Variants in ATP6V1A observed in about 807,000 individuals in gnomAD.
The protein encoded by ATP6V1A is ATPase H+ transporting V1 subunit A.
ATP6V1A carries 18 observed loss-of-function variants against 70.1 expected under a neutral mutation model. That is an observed-to-expected ratio of 0.26 (90% CI 0.18 to 0.38). ATP6V1A has a LOEUF of 0.38. Among genes scored for constraint, ATP6V1A ranks in the 10% least tolerant of loss-of-function variants. The pLI is 1.00. For synonymous variants in ATP6V1A, 232 were observed against 253.8 expected (o/e 0.91, Z 0.82); for missense variants, 424 against 772.4 (o/e 0.55, Z 5.35).
At chr3:113,798,816 G>T (rs986775111) in intron 12 of ATP6V1A, among the ~76,000 whole-genome samples, 4 of 152,148 alleles carry the variant, frequency 2.6e-5, no homozygotes, top group Non-Finnish European at 5.9e-5. Flanking sequence ...TTACATTCTT[G>T]TGCCTGTATC....
In ATP6V1A at chr3:113,798,175, T is replaced by C; in HGVS notation, c.1291-68T>C. On this transcript the variant is annotated intron_variant, in intron 11 of 14. Transcript: ENST00000273398. ...AATTGCATAGTTGGGACAAACATGC[T>C]TCGGTATTTTTTAACTTTGTTTTTT... is the stretch of plus-strand genomic sequence containing the variant. The C allele has an allele frequency of 4.6e-6, 7 of 1,537,590 alleles. No homozygotes were observed. The South Asian group carries it at 6.8e-5, about 15-fold the overall frequency.
chr3:113,794,902 T>C lies in ATP6V1A; in HGVS notation c.1019T>C (p.Met340Thr). 6.2e-7 allele frequency: 1 copy of C among 1,613,542 alleles called. No individual in the cohort carries two copies. The highest frequency in any genetic ancestry group is 8.5e-7 in the Non-Finnish European group (1 of 1,179,802). Residue 340 changes from methionine (M) to threonine (T), a missense_variant, in exon 9 of 15, where the codon ATG (methionine) becomes ACG (threonine). By Grantham distance (81) the Met-to-Thr change is moderately conservative. Around this residue, in one of 9 missense-constraint regions of ATP6V1A, gnomAD observed 58 missense variants for 181.5 expected, o/e 0.32. Transcript: ENST00000273398. Reference protein sequence around the residue: ...GITLSEYFRDMGYHVSMMADS... With the variant: ...GITLSEYFRDTGYHVSMMADS... ...ACACTGTCAGAGTACTTCCGTGACATGGGCTATCATGTCAGTATGATGGCT... is the reference window on the plus strand; with the variant it reads ...ACACTGTCAGAGTACTTCCGTGACACGGGCTATCATGTCAGTATGATGGCT...
chr3:113,749,567 A>G (rs1216287767), intron 1 of ATP6V1A, among the ~76,000 whole-genome samples: 1 of 152,134 alleles, frequency 6.6e-6, no homozygotes, highest in Non-Finnish European at 1.5e-5. Flanking sequence ...CCTATAGACT[A>G]CTACTAATCA....
At chr3:113,795,568 G>A (rs1053393284) in intron 10 of ATP6V1A, among the ~76,000 whole-genome samples, 2 of 151,702 alleles carry the variant, frequency 1.3e-5, no homozygotes, top group African/African-American at 2.4e-5. Flanking sequence ...TTCTTAGAGC[G>A]TTTCCTCCTT....
At chr3:113,779,067 T>G (rs9848993) in intron 2 of ATP6V1A, 109,189 of 315,582 alleles carry the variant, frequency 0.35, 19,282 homozygotes, top group East Asian at 0.4. Flanking sequence ...TGATATCCTG[T>G]TTATAATTAT....
Position 113,789,638 on chromosome 3 carries a change from T to A in ATP6V1A, c.880-94T>A, listed in dbSNP as rs569300202. On this transcript the variant is annotated intron_variant, in intron 7 of 14. Transcript: ENST00000273398. ...AACACTGATTGTAAGAGGCATTAAA[T>A]ATGGGCAAAAGTTTAAAAAAAAAAA... is the stretch of plus-strand genomic sequence containing the variant. The A allele has an allele frequency of 2.6e-5, 23 of 876,544 alleles. No homozygotes were observed. In the South Asian group the frequency reaches 3.6e-4, roughly 14 times the overall value. 54.3% of individuals were successfully genotyped at this position (876,544 alleles called of 1,614,324 possible). A position where few individuals can be genotyped will look rare whatever the true frequency, so the allele number is the denominator to read the frequency against.
intron 8 of ATP6V1A, among the ~76,000 whole-genome samples, chr3:113,793,519 A>G (rs773183081): frequency 6.6e-6 from 1 of 152,184 alleles, no homozygotes; most frequent in Non-Finnish European, 1.5e-5. Flanking sequence ...ACTCATATGT[A>G]TCTGTCTTTT....
chr3:113,753,904 C>A (rs1708618375), intron 1 of ATP6V1A, among the ~76,000 whole-genome samples: 1 of 151,418 alleles, frequency 6.6e-6, no homozygotes, highest in Admixed American at 6.6e-5. Flanking sequence ...ACCTTATTGC[C>A]CAGGCCATCA....
intron 1 of ATP6V1A, among the ~76,000 whole-genome samples, chr3:113,762,786 G>GTT (rs1708720595): frequency 6.6e-6 from 1 of 152,076 alleles, no homozygotes; most frequent in Admixed American, 6.6e-5. Context: ...GGGGAATACT[G>GTT]TAGGATTTCA....
intron 3 of ATP6V1A, among the ~76,000 whole-genome samples, chr3:113,782,583 T>G (rs1262638463): frequency 6.8e-6 from 1 of 146,168 alleles, no homozygotes; most frequent in East Asian, 2.0e-4. Context: ...CGTATATATA[T>G]ACACATATAT....
At chr3:113,749,306 C>T (rs1708559363) in intron 1 of ATP6V1A, among the ~76,000 whole-genome samples, 1 of 146,136 alleles carries the variant, frequency 6.8e-6, no homozygotes, top group Non-Finnish European at 1.5e-5. Context: ...CACACACACA[C>T]GATTGGAAGC....
chr3:113,781,150 G>A lies in ATP6V1A; in HGVS notation c.183G>A (p.Met61Ile), dbSNP rs1218012061. The change falls in exon 3 of 15, where the codon ATG becomes ATA. Residue 61 changes from methionine (M) to isoleucine (I), a missense_variant. This residue lies in a region of ATP6V1A where 31 missense variants were observed against 78.6 expected (regional missense o/e 0.39). Coordinates refer to ENST00000273398, the MANE Select transcript of ATP6V1A (RefSeq NM_001690.4). ...VGEIIRLEGDMATIQVYEETS... is the reference protein window; with the variant it reads ...VGEIIRLEGDIATIQVYEETS... ...AGATTATTCGATTGGAGGGTGACAT[G>A]GCTACTATTCAGGTGTATGAAGAAA... 1.1e-5 allele frequency: 18 copies of A among 1,613,380 alleles called. No homozygotes were observed. Among genetic ancestry groups the A allele is most frequent in the African/African-American group, 5.3e-5 (4 of 74,914 alleles).
intron 1 of ATP6V1A, among the ~76,000 whole-genome samples, chr3:113,751,077 T>A (rs1342213932): frequency 6.6e-6 from 1 of 152,158 alleles, no homozygotes; most frequent in Non-Finnish European, 1.5e-5. Flanking sequence ...AGTTCTTCAA[T>A]TTTGAAGTTT....
At chr3:113,765,653 C>T (rs1212019534) in intron 1 of ATP6V1A, among the ~76,000 whole-genome samples, 2 of 144,664 alleles carry the variant, frequency 1.4e-5, no homozygotes, top group African/African-American at 5.2e-5. Context: ...CGCGGTGGCT[C>T]GGCCTGTTAT....
chr3:113,782,791 T>G (rs749080628), intron 3 of ATP6V1A, among the ~76,000 whole-genome samples: 1 of 151,418 alleles, frequency 6.6e-6, no homozygotes, highest in South Asian at 2.1e-4. Flanking sequence ...CCCGGCTAAT[T>G]TTTTGTATTT....
chr3:113,786,451 T>C, intron 6 of ATP6V1A, 68 bp downstream of exon 6: 1 of 1,508,482 alleles, frequency 6.6e-7, no homozygotes, highest in Non-Finnish European at 9.1e-7. Flanking sequence ...TTTATTATCT[T>C]TATAGATAAA....
At chr3:113,807,243 G>A (rs551048245) in intron 14 of ATP6V1A, among the ~76,000 whole-genome samples, 134 of 147,828 alleles carry the variant, frequency 9.1e-4, no homozygotes, top group Non-Finnish European at 1.3e-3. Context: ...ACAGTGGCAC[G>A]ATCCTGGCCC....
intron 1 of ATP6V1A, 46 bp from the exon 2 acceptor site, chr3:113,778,695 T>G: frequency 8.0e-7 from 1 of 1,246,724 alleles, no homozygotes; most frequent in Non-Finnish European, 1.1e-6. Flanking sequence ...GGTCTTTTGC[T>G]TTACGGTTTA....
rs182492702 is a variant in ATP6V1A, at chr3:113,750,736, T to A, written c.-14+3623T>A. On this transcript the variant is annotated intron_variant, in intron 1 of 14. Transcript: ENST00000273398. ...CCTAGAACATATTTTGTAAAAAAAATTTTTAATTAATTTTACTGATAACTA... is the reference window on the plus strand; with the variant it reads ...CCTAGAACATATTTTGTAAAAAAAAATTTTAATTAATTTTACTGATAACTA... Among the ~76,000 whole-genome samples the A allele has an allele frequency of 4.8e-3, 737 of 152,248 alleles. 3 individuals carry two copies. Among genetic ancestry groups the A allele is most frequent in the Middle Eastern group, 0.014 (4 of 294 alleles).
Sources: gnomAD v4.1 joint callset for allele counts (sites outside exome capture counted in the v4.1 genomes callset) on GRCh38, gnomAD v4.1.1 for gene constraint, gnomAD v4.1.1 regional missense constraint, MANE v1.5 for transcripts, NCBI Gene and HGNC (gene_info 2026-07-23, HGNC 2026-07-21) for gene names.